CSMD1: variants seen among roughly 807,000 people sequenced by gnomAD.
CSMD1 encodes the protein CUB and Sushi multiple domains 1, also known as CUB and sushi domain-containing protein 1.
A neutral mutation model predicts 417.5 loss-of-function variants in CSMD1; 213 were observed. The observed-to-expected ratio is 0.51, with a 90% CI of 0.46 to 0.57. The LOEUF is 0.57. Among genes scored for constraint, CSMD1 ranks in the 20% least tolerant of loss-of-function variants. CSMD1 has a pLI of 0.00. For synonymous variants in CSMD1, 2,862 were observed against 1,736.8 expected, an observed-to-expected ratio of 1.65 and a Z score of -16.11; for missense variants, 6,923 against 4,529.7, an observed-to-expected ratio of 1.53 and a Z score of -15.17.
chr8:4,455,888 C>T (rs1044102597), intron 2 of CSMD1, among the ~76,000 whole-genome samples: 4 of 117,072 alleles, frequency 3.4e-5, no homozygotes, highest in African/African-American at 1.3e-4. Flanking sequence ...AAGATCATGC[C>T]ACTGCAATCC....
At chr8:3,512,066 G>C (rs1488834830) in intron 10 of CSMD1, among the ~76,000 whole-genome samples, 2 of 152,072 alleles carry the variant, frequency 1.3e-5, no homozygotes, top group African/African-American at 4.8e-5. Flanking sequence ...TGTGGCCCTA[G>C]AGAGTTACTT....
intron 46 of CSMD1, among the ~76,000 whole-genome samples, chr8:3,099,557 C>T (rs866782336): frequency 6.6e-6 from 1 of 152,122 alleles, no homozygotes; most frequent in Non-Finnish European, 1.5e-5. Context: ...ATCTCTCTAC[C>T]CTGCATTTTT....
intron 23 of CSMD1, among the ~76,000 whole-genome samples, chr8:3,341,617 A>T (rs973660182): frequency 2.6e-5 from 4 of 152,286 alleles, no homozygotes; most frequent in African/African-American, 9.6e-5. Context: ...GTCCCAGGAG[A>T]GAGGGAGGAT....
At chr8:4,779,149 C>T (rs1162064940) in intron 1 of CSMD1, among the ~76,000 whole-genome samples, 2 of 152,184 alleles carry the variant, frequency 1.3e-5, no homozygotes, top group African/African-American at 4.8e-5. Flanking sequence ...TGGGAATTAA[C>T]TGAAGTCTTC....
At chr8:4,019,023 G>C (rs975726114) in intron 4 of CSMD1, among the ~76,000 whole-genome samples, 1 of 152,208 alleles carries the variant, frequency 6.6e-6, no homozygotes, top group Non-Finnish European at 1.5e-5. Context: ...CAATTACAGT[G>C]ACTAAGATGA....
At chr8:4,461,193 T>C (rs1369074183) in intron 2 of CSMD1, among the ~76,000 whole-genome samples, 1 of 151,938 alleles carries the variant, frequency 6.6e-6, no homozygotes, top group African/African-American at 2.4e-5. Flanking sequence ...TCAACATTCT[T>C]TGATGATAAA....
intron 3 of CSMD1, among the ~76,000 whole-genome samples, chr8:4,128,235 C>T (rs574715179): frequency 2.0e-5 from 3 of 152,060 alleles, no homozygotes; most frequent in African/African-American, 7.2e-5. Context: ...CATGTTTCTG[C>T]ATGGCTGACA....
chr8:4,562,759 C>T (rs891960366), intron 2 of CSMD1, among the ~76,000 whole-genome samples: 1 of 152,004 alleles, frequency 6.6e-6, no homozygotes, highest in Non-Finnish European at 1.5e-5. Flanking sequence ...TGGCTGTTAG[C>T]AGAGTCAAGA....
intron 3 of CSMD1, among the ~76,000 whole-genome samples, chr8:4,417,594 T>C (rs1330310354): frequency 6.6e-6 from 1 of 152,042 alleles, no homozygotes; most frequent in African/African-American, 2.4e-5. Context: ...CGTCTTGGAT[T>C]ATACATCAGT....
chr8:3,252,182 G>A (rs1213318688), intron 26 of CSMD1, among the ~76,000 whole-genome samples: 1 of 152,172 alleles, frequency 6.6e-6, no homozygotes, highest in Non-Finnish European at 1.5e-5. Flanking sequence ...CATTCAGTAT[G>A]ATATTGGCTG....
intron 3 of CSMD1, among the ~76,000 whole-genome samples, chr8:4,201,256 G>C (rs1420714463): frequency 6.6e-6 from 1 of 152,130 alleles, no homozygotes; most frequent in African/African-American, 2.4e-5. Context: ...AAAAAATTCA[G>C]GGCCGGGCGC....
chr8:4,725,046 AC>A (rs1156666200), intron 1 of CSMD1, among the ~76,000 whole-genome samples: 1 of 152,188 alleles, frequency 6.6e-6, no homozygotes, highest in Non-Finnish European at 1.5e-5. Context: ...GCTATTTTAA[AC>A]ATAAAAGGGG....
At chr8:3,383,591 A>C (rs888202501) in intron 18 of CSMD1, among the ~76,000 whole-genome samples, 4 of 152,224 alleles carry the variant, frequency 2.6e-5, no homozygotes, top group African/African-American at 9.6e-5. Flanking sequence ...CTTAAAATTA[A>C]AAATTTCTAT....
rs867534513 is a variant in CSMD1, at chr8:4,078,844, T to G, written c.416-46745A>C. On this transcript the variant is annotated intron_variant, in intron 3 of 69. Transcript: ENST00000635120. ...TGAGGTCAGGAGTTCAAGATTATGT[T>G]GGCCAACGTAGTGAAAACCTGTCTC... is the stretch of plus-strand genomic sequence containing the variant. 2.9e-4 allele frequency among the ~76,000 whole-genome samples: 42 copies of G among 146,142 alleles called. No individual in the cohort carries two copies. In the Middle Eastern group the frequency reaches 0.018, roughly 63 times the overall value.
At chr8:4,025,950 T>C (rs1797043530) in intron 4 of CSMD1, among the ~76,000 whole-genome samples, 2 of 152,064 alleles carry the variant, frequency 1.3e-5, no homozygotes, top group African/African-American at 4.8e-5. Flanking sequence ...TTATAAACTT[T>C]TATAACCCTG....
At chr8:3,458,300 T>G (rs1393966242) in intron 12 of CSMD1, among the ~76,000 whole-genome samples, 1 of 152,192 alleles carries the variant, frequency 6.6e-6, no homozygotes, top group Non-Finnish European at 1.5e-5. Flanking sequence ...GGCTCATATG[T>G]GCTGATATAT....
chr8:3,513,478 G>T (rs1205552002), intron 10 of CSMD1, among the ~76,000 whole-genome samples: 2 of 151,742 alleles, frequency 1.3e-5, no homozygotes, highest in Non-Finnish European at 2.9e-5. Context: ...GGCCTGTTGT[G>T]GGATCTCACC....
intron 23 of CSMD1, among the ~76,000 whole-genome samples, chr8:3,332,753 GA>G (rs980713880): frequency 3.9e-5 from 6 of 152,250 alleles, no homozygotes; most frequent in African/African-American, 1.2e-4. Context: ...TCCTAAATAG[GA>G]AACTCTGACG....
At chr8:4,768,839 T>C (rs879758641) in intron 1 of CSMD1, among the ~76,000 whole-genome samples, 1 of 152,194 alleles carries the variant, frequency 6.6e-6, no homozygotes, top group Non-Finnish European at 1.5e-5. Flanking sequence ...ATTATTCATA[T>C]GGGAAGGGGA....
Sources: allele counts gnomAD v4.1 joint callset (sites outside exome capture counted in the v4.1 genomes callset), GRCh38; gene constraint gnomAD v4.1.1; transcripts MANE v1.5; gene names NCBI Gene and HGNC (gene_info 2026-07-23, HGNC 2026-07-21).